The following PDE3B variants were observed in gnomAD, a reference collection of about 807,000 sequenced individuals.
The protein encoded by PDE3B is phosphodiesterase 3B, also known as cGMP-inhibited 3',5'-cyclic phosphodiesterase 3B.
Under a neutral mutation model 116.8 loss-of-function variants are expected in PDE3B, and 66 were observed. The observed-to-expected ratio is 0.56, with a 90% CI of 0.46 to 0.69. The LOEUF is 0.69. Ranked by LOEUF, PDE3B falls within the 30% of genes least tolerant of loss-of-function variation. The pLI, the probability that PDE3B is intolerant of heterozygous loss-of-function variation, is 0.00. For missense variants in PDE3B, 1,384 were observed against 1,368.1 expected, an observed-to-expected ratio of 1.01 and a Z score of -0.18; for synonymous variants, 595 against 533.6, an observed-to-expected ratio of 1.12 and a Z score of -1.59.
intron 1 of PDE3B, among the ~76,000 whole-genome samples, chr11:14,706,169 T>C (rs1855529147): frequency 6.6e-6 from 1 of 151,710 alleles, no homozygotes; most frequent in African/African-American, 2.4e-5. Flanking sequence ...CTTCTCTCCC[T>C]CTTCTACCTA....
intron 2 of PDE3B, among the ~76,000 whole-genome samples, chr11:14,780,722 T>G (rs896891785): frequency 1.3e-5 from 2 of 152,030 alleles, no homozygotes. Context: ...AGGAAAGATC[T>G]AAAATTGACA....
intron 1 of PDE3B, among the ~76,000 whole-genome samples, chr11:14,741,845 T>C (rs1321651166): frequency 6.6e-6 from 1 of 152,134 alleles, no homozygotes; most frequent in African/African-American, 2.4e-5. Context: ...CCTTTGTTTA[T>C]CAAGCTTTAG....
intron 1 of PDE3B, among the ~76,000 whole-genome samples, chr11:14,648,764 T>A (rs1405287976): frequency 1.3e-5 from 2 of 152,136 alleles, no homozygotes; most frequent in Admixed American, 1.3e-4. Context: ...TTTGTTTTAT[T>A]TTTTTAAAAA....
intron 1 of PDE3B, among the ~76,000 whole-genome samples, chr11:14,765,203 A>G (rs1248168233): frequency 6.6e-6 from 1 of 152,034 alleles, no homozygotes; most frequent in Non-Finnish European, 1.5e-5. Flanking sequence ...GTAACAGTTA[A>G]TTCAGAGCCG....
At chr11:14,880,494 A>G in the PDE3B span, 1 of 1,613,548 alleles carries the variant, frequency 6.2e-7, no homozygotes, top group Non-Finnish European at 8.5e-7. Flanking sequence ...CATTTTCACT[A>G]AATAACTCAA....
chr11:14,797,027 A>G (rs546741703), intron 4 of PDE3B, among the ~76,000 whole-genome samples: 1 of 152,272 alleles, frequency 6.6e-6, no homozygotes, highest in South Asian at 2.1e-4. Context: ...ATCCATCTTC[A>G]GTTAATTTTT....
the PDE3B span, chr11:14,891,681 A>C: frequency 4.3e-6 from 5 of 1,170,660 alleles, no homozygotes; most frequent in Non-Finnish European, 5.3e-6. Context: ...TGGCGAGCCA[A>C]ACGGCGCAGG....
At chr11:14,683,385 C>T (rs1854771141) in intron 1 of PDE3B, among the ~76,000 whole-genome samples, 1 of 151,956 alleles carries the variant, frequency 6.6e-6, no homozygotes, top group African/African-American at 2.4e-5. Context: ...ATATCTATCT[C>T]ATCATTGGTG....
At position 14,644,124 on chromosome 11, in the gene PDE3B, C is replaced by A. The variant is rs916330910; in HGVS notation, c.49C>A (p.Pro17Thr). 2 of 1,581,346 alleles carry A rather than the reference C, an allele frequency of 1.3e-6. No individual in the cohort carries two copies. Among genetic ancestry groups the A allele is most frequent in the African/African-American group, 2.7e-5 (2 of 73,250 alleles). ...CAAAGCCATGCGGTCCCTGCAGCCG[C>A]CGGATGGGGCCGGCTCGCCCCCCGA... Reference protein sequence around the residue: ...DAKAMRSLQPPDGAGSPPESL... With the variant: ...DAKAMRSLQPTDGAGSPPESL... Residue 17 changes from proline (P) to threonine (T), a missense_variant, in exon 1 of 16, where the codon CCG becomes ACG. This residue lies in a region of PDE3B where 956 missense variants were observed against 806.8 expected (regional missense o/e 1.18). Transcript: ENST00000282096.
downstream of PDE3B, among the ~76,000 whole-genome samples, chr11:14,876,683 A>G (rs1166530007): frequency 6.6e-6 from 1 of 152,172 alleles, no homozygotes; most frequent in African/African-American, 2.4e-5. Context: ...TCTCCCAGAA[A>G]CGATCTAAGC....
intron 7 of PDE3B, among the ~76,000 whole-genome samples, chr11:14,826,640 A>G (rs948040030): frequency 1.3e-5 from 2 of 152,170 alleles, no homozygotes; most frequent in African/African-American, 4.8e-5. Context: ...CCACCAACCA[A>G]AATAAATAAA....
chr11:14,705,014 A>G (rs926867909), intron 1 of PDE3B, among the ~76,000 whole-genome samples: 4 of 151,772 alleles, frequency 2.6e-5, no homozygotes, highest in African/African-American at 9.7e-5. Context: ...AACTCAATGA[A>G]AAGAAAATAA....
At chr11:14,890,753 T>A in the PDE3B span, 1 of 559,556 alleles carries the variant, frequency 1.8e-6, no homozygotes, top group Non-Finnish European at 2.3e-6. Context: ...TTTCACCGTG[T>A]TAGCCACGAC....
intron 1 of PDE3B, among the ~76,000 whole-genome samples, chr11:14,689,903 T>C (rs754197567): frequency 6.6e-6 from 1 of 152,196 alleles, no homozygotes; most frequent in South Asian, 2.1e-4. Flanking sequence ...CTTACCCTCA[T>C]GTCATATGGC....
At chr11:14,845,173 C>T (rs919633880) in intron 12 of PDE3B, among the ~76,000 whole-genome samples, 6 of 152,096 alleles carry the variant, frequency 3.9e-5, no homozygotes, top group East Asian at 1.9e-4. Context: ...GCAGCGTTCA[C>T]GGTTCACGAA....
At chr11:14,763,618 T>C (rs1034513582) in intron 1 of PDE3B, among the ~76,000 whole-genome samples, 1 of 152,012 alleles carries the variant, frequency 6.6e-6, no homozygotes, top group Non-Finnish European at 1.5e-5. Flanking sequence ...TATCTTCAGG[T>C]AGGGAAGAGG....
intron 1 of PDE3B, among the ~76,000 whole-genome samples, chr11:14,658,241 C>G (rs1346202242): frequency 6.6e-6 from 1 of 152,152 alleles, no homozygotes; most frequent in Non-Finnish European, 1.5e-5. Context: ...ACAGTTCTTC[C>G]TCATAGAAGC....
intron 4 of PDE3B, among the ~76,000 whole-genome samples, chr11:14,799,881 A>G (rs1858692410): frequency 6.6e-6 from 1 of 150,868 alleles, no homozygotes; most frequent in African/African-American, 2.4e-5. Flanking sequence ...ATGGGTCTTG[A>G]CTATCCAATT....
In PDE3B at chr11:14,789,172, C is replaced by T. The variant is rs747449851; in HGVS notation, c.1345C>T (p.Pro449Ser). 4.3e-6 allele frequency: 7 copies of T among 1,610,676 alleles called. No homozygotes were observed. The East Asian group carries it at 1.1e-4, about 26-fold the overall frequency. Residue 449 changes from proline (P) to serine (S), a missense_variant, in exon 4 of 16, where the codon CCT becomes TCT. By Grantham distance (74) the Pro-to-Ser change is moderately conservative. Coordinates refer to ENST00000282096, the MANE Select transcript of PDE3B (RefSeq NM_000922.4). ...RRSSGTSGLL[P>S]VEQSSRWDRN... Reference sequence around the variant, plus strand: ...AAGCTCAGGAACTTCAGGATTGCTACCTGTTGAACAGTCTTCAAGGTGGGA... The same window carrying T: ...AAGCTCAGGAACTTCAGGATTGCTATCTGTTGAACAGTCTTCAAGGTGGGA...
Sources: allele counts gnomAD v4.1 joint callset (sites outside exome capture counted in the v4.1 genomes callset), GRCh38; gene constraint gnomAD v4.1.1; regional missense constraint gnomAD v4.1.1; transcripts MANE v1.5; gene names NCBI Gene and HGNC (gene_info 2026-07-23, HGNC 2026-07-21).